The following KCNMB2 variants were observed in gnomAD, a reference collection of about 807,000 sequenced individuals.
KCNMB2 encodes potassium calcium-activated channel subfamily M regulatory beta subunit 2.
KCNMB2 carries 9 observed loss-of-function variants against 24.5 expected under a neutral mutation model. The observed-to-expected ratio is 0.37, with a 90% CI of 0.22 to 0.64. The LOEUF is 0.64. Ranked by LOEUF, KCNMB2 falls within the 30% of genes least tolerant of loss-of-function variation. The probability of loss-of-function intolerance (pLI) is 0.63; values close to 1 mark genes in which losing one functional copy is unlikely to be tolerated. For synonymous variants in KCNMB2, 109 were observed against 104.4 expected, an observed-to-expected ratio of 1.04 and a Z score of -0.27; for missense variants, 226 against 284.3, an observed-to-expected ratio of 0.79 and a Z score of 1.47.
intron 1 of KCNMB2, 45 bp from the exon 2 acceptor site, chr3:178,807,298 T>A: frequency 1.3e-6 from 1 of 773,690 alleles, no homozygotes; most frequent in Non-Finnish European, 2.2e-6. Context: ...GTCAATCCAC[T>A]GAGAGCTATT....
chr3:178,687,711 G>A (rs1469154863), intron 1 of KCNMB2, among the ~76,000 whole-genome samples: 2 of 152,034 alleles, frequency 1.3e-5, no homozygotes, highest in Non-Finnish European at 2.9e-5. Context: ...CCAAGAGAAA[G>A]TACTAGGAAA....
intron 1 of KCNMB2, among the ~76,000 whole-genome samples, chr3:178,643,496 C>A (rs1414531336): frequency 6.6e-6 from 1 of 152,128 alleles, no homozygotes; most frequent in Non-Finnish European, 1.5e-5. Context: ...TACAGTTGTG[C>A]ATGACACTAA....
At chr3:178,701,069 C>A (rs1029414690) in intron 1 of KCNMB2, among the ~76,000 whole-genome samples, 17 of 152,170 alleles carry the variant, frequency 1.1e-4, no homozygotes, top group African/African-American at 4.1e-4. Context: ...AGGTTTTCTT[C>A]TAAGGTTTTT....
intron 1 of KCNMB2, among the ~76,000 whole-genome samples, chr3:178,603,640 C>T (rs1718173128): frequency 6.6e-6 from 1 of 152,144 alleles, no homozygotes; most frequent in Non-Finnish European, 1.5e-5. Context: ...TCACAGACAT[C>T]CATTGTCTTC....
intron 1 of KCNMB2, among the ~76,000 whole-genome samples, chr3:178,783,177 C>T (rs1173579092): frequency 1.3e-5 from 2 of 152,210 alleles, no homozygotes; most frequent in South Asian, 4.2e-4. Flanking sequence ...CAGTACCATG[C>T]TGTTTTGGTT....
chr3:178,715,318 G>C (rs960062441), intron 1 of KCNMB2, among the ~76,000 whole-genome samples: 2 of 151,342 alleles, frequency 1.3e-5, no homozygotes, highest in African/African-American at 4.9e-5. Context: ...AAAGAGCAGT[G>C]GTATAGTTTT....
At chr3:178,688,690 T>A (rs900928234) in intron 1 of KCNMB2, among the ~76,000 whole-genome samples, 7 of 151,386 alleles carry the variant, frequency 4.6e-5, no homozygotes, top group Admixed American at 6.6e-5. Flanking sequence ...TAGTGTTTGC[T>A]TTTTTTTTAA....
intron 1 of KCNMB2, among the ~76,000 whole-genome samples, chr3:178,675,205 G>A (rs1721031326): frequency 6.6e-6 from 1 of 152,110 alleles, no homozygotes; most frequent in African/African-American, 2.4e-5. Context: ...TATTATACAA[G>A]CTATTCAGTA....
At chr3:178,660,694 A>T (rs6773905) in intron 1 of KCNMB2, among the ~76,000 whole-genome samples, 1 of 151,730 alleles carries the variant, frequency 6.6e-6, no homozygotes, top group African/African-American at 2.4e-5. Flanking sequence ...TTTACAGTTG[A>T]GCAAACTAAG....
At chr3:178,548,678 C>T (rs2108452453) in intron 1 of KCNMB2, among the ~76,000 whole-genome samples, 1 of 152,320 alleles carries the variant, frequency 6.6e-6, no homozygotes, top group South Asian at 2.1e-4. Flanking sequence ...AATCCTTTCA[C>T]ATTTTTCCTC....
At chr3:178,684,355 T>C (rs1357327190) in intron 1 of KCNMB2, among the ~76,000 whole-genome samples, 1 of 137,200 alleles carries the variant, frequency 7.3e-6, no homozygotes, top group Non-Finnish European at 1.6e-5. Flanking sequence ...GGAGAGGAAA[T>C]GGGGAGATGT....
chr3:178,763,469 G>C (rs1162141456), intron 1 of KCNMB2, among the ~76,000 whole-genome samples: 1 of 152,162 alleles, frequency 6.6e-6, no homozygotes, highest in South Asian at 2.1e-4. Context: ...GAAAAGCAAA[G>C]AGAGGAAGTG....
intron 1 of KCNMB2, among the ~76,000 whole-genome samples, chr3:178,586,163 G>T (rs1433941199): frequency 2.0e-5 from 3 of 152,178 alleles, no homozygotes; most frequent in African/African-American, 7.2e-5. Context: ...AGGGGATTTT[G>T]TGGAGGGAAT....
Position 178,676,095 on chromosome 3 carries a change from C to T in KCNMB2, c.-67-131248C>T, listed in dbSNP as rs920968331. ...TATCTATGACCCCAAGCCCATGTTA[C>T]GCCTCTAATACTAGGCTGAAGCTGA... On this transcript the variant is annotated intron_variant, in intron 1 of 4. Transcript: ENST00000452583. Among the ~76,000 whole-genome samples, 6 of 152,268 alleles carry T rather than the reference C, an allele frequency of 3.9e-5. No individual in the cohort carries two copies. The South Asian group carries it at 6.2e-4, about 16-fold the overall frequency.
At chr3:178,796,203 C>T (rs543778497) in intron 1 of KCNMB2, among the ~76,000 whole-genome samples, 1 of 152,062 alleles carries the variant, frequency 6.6e-6, no homozygotes, top group African/African-American at 2.4e-5. Flanking sequence ...GGGGTTAATT[C>T]ATCAAGAGGA....
chr3:178,632,536 T>C (rs1332721949), intron 1 of KCNMB2, among the ~76,000 whole-genome samples: 2 of 152,130 alleles, frequency 1.3e-5, no homozygotes, highest in Non-Finnish European at 2.9e-5. Flanking sequence ...ATCAGATCTT[T>C]TGAGAGCTTA....
chr3:178,645,681 C>G (rs980038912), intron 1 of KCNMB2, among the ~76,000 whole-genome samples: 13 of 152,200 alleles, frequency 8.5e-5, no homozygotes, highest in African/African-American at 3.1e-4. Context: ...TTCCGTTCTG[C>G]CAACCCAGCC....
intron 1 of KCNMB2, among the ~76,000 whole-genome samples, chr3:178,549,510 A>T (rs1191203535): frequency 7.6e-5 from 9 of 118,912 alleles, no homozygotes; most frequent in African/African-American, 1.0e-4. Flanking sequence ...TATTTTTAGT[A>T]GAGATGAGGT....
At chr3:178,574,848 A>G (rs1384902095) in intron 1 of KCNMB2, among the ~76,000 whole-genome samples, 23 of 152,160 alleles carry the variant, frequency 1.5e-4, no homozygotes, top group Non-Finnish European at 3.2e-4. Context: ...CAGGTGGATC[A>G]CCTGAGGTCA....
Sources: allele counts gnomAD v4.1 joint callset (sites outside exome capture counted in the v4.1 genomes callset), GRCh38; gene constraint gnomAD v4.1.1; transcripts MANE v1.5; gene names NCBI Gene and HGNC (gene_info 2026-07-23, HGNC 2026-07-21).